The following PCDHA1 variants were observed in gnomAD, a reference collection of about 807,000 sequenced individuals.
The protein encoded by PCDHA1 is protocadherin alpha 1, also known as protocadherin alpha-1.
Under a neutral mutation model 61.3 loss-of-function variants are expected in PCDHA1, and 42 were observed. The ratio of observed to expected loss-of-function variants is 0.69; its 90% CI spans 0.54 to 0.89. PCDHA1 has a LOEUF of 0.89. Among genes scored for constraint, PCDHA1 ranks in the 40% least tolerant of loss-of-function variants. PCDHA1 has a pLI of 0.00. For missense variants in PCDHA1, 1,256 were observed against 1,235.3 expected (o/e 1.02, Z -0.25); for synonymous variants, 610 against 553.8 (o/e 1.10, Z -1.43).
chr5:140,883,686 A>G (rs1380292802), intron 1 of PCDHA1: 1 of 1,613,664 alleles, frequency 6.2e-7, no homozygotes, highest in East Asian at 2.2e-5. Flanking sequence ...CCGGGCTGCC[A>G]CATCTTCACG....
intron 1 of PCDHA1, chr5:140,823,675 C>T: frequency 1.9e-6 from 3 of 1,614,056 alleles, no homozygotes; most frequent in Non-Finnish European, 1.7e-6. Context: ...CAGCACAACA[C>T]GCTCTCTGGA....
chr5:140,877,224 G>T, intron 1 of PCDHA1: 1 of 1,613,712 alleles, frequency 6.2e-7, no homozygotes, highest in Non-Finnish European at 8.5e-7. Flanking sequence ...TACCGCGGTC[G>T]GTGGGTGCGG....
At chr5:140,984,576 C>G (rs1309554018) in intron 3 of PCDHA1, among the ~76,000 whole-genome samples, 1 of 152,104 alleles carries the variant, frequency 6.6e-6, no homozygotes, top group African/African-American at 2.4e-5. Context: ...CCATGGCAAC[C>G]TAATCATACT....
chr5:140,957,883 A>C (rs1413437105), intron 1 of PCDHA1, among the ~76,000 whole-genome samples: 1 of 152,098 alleles, frequency 6.6e-6, no homozygotes. Flanking sequence ...TGAAAAGCTG[A>C]AGTTGGCATC....
At chr5:140,979,908 TAA>T (rs782196172) in intron 2 of PCDHA1, among the ~76,000 whole-genome samples, 3 of 152,250 alleles carry the variant, frequency 2.0e-5, no homozygotes, top group Non-Finnish European at 4.4e-5. Context: ...GATCAGTTCG[TAA>T]AGAGAAAGCC....
intron 1 of PCDHA1, chr5:140,814,980 A>G (rs2126660632): frequency 6.6e-6 from 1 of 152,188 alleles, no homozygotes; most frequent in Non-Finnish European, 1.5e-5. Context: ...CTTAAAGACT[A>G]TTTTGTGTGA....
At chr5:140,850,698 GGC>G in intron 1 of PCDHA1, 1 of 1,598,220 alleles carries the variant, frequency 6.3e-7, no homozygotes, top group Non-Finnish European at 8.6e-7. Context: ...GTGCGCGCCT[GGC>G]AAGCCGACGC....
At chr5:140,972,471 G>A (rs1437633114) in intron 1 of PCDHA1, among the ~76,000 whole-genome samples, 6 of 151,998 alleles carry the variant, frequency 3.9e-5, no homozygotes, top group Non-Finnish European at 8.8e-5. Context: ...TTAAACATCA[G>A]CATTTAACCC....
Position 140,881,024 on chromosome 5 carries a change from A to G in PCDHA1, c.2394+92340A>G, listed in dbSNP as rs1330072249. Among the ~76,000 whole-genome samples the G allele has an allele frequency of 1.1e-4, 17 of 152,246 alleles. 1 individual carries two copies. Among genetic ancestry groups the G allele is most frequent in the Admixed American group, 5.2e-4 (8 of 15,290 alleles). ...GAGCAGAGCTATGGAAATAAACCCA[A>G]CAGTCATTTCCTATAGAGTTGTGCA... On this transcript the variant is annotated intron_variant, in intron 1 of 3. Coordinates refer to ENST00000504120, the MANE Select transcript of PCDHA1 (RefSeq NM_018900.4).
chr5:140,834,585 T>A, intron 1 of PCDHA1: 1 of 1,614,126 alleles, frequency 6.2e-7, no homozygotes, highest in Non-Finnish European at 8.5e-7. Flanking sequence ...CCGGGCGGTG[T>A]GCAAATTCCG....
At chr5:140,999,215 C>T (rs1290752092) in intron 3 of PCDHA1, among the ~76,000 whole-genome samples, 1 of 152,140 alleles carries the variant, frequency 6.6e-6, no homozygotes, top group South Asian at 2.1e-4. Context: ...TCTGGAAGTA[C>T]TACATTTGAG....
rs2150410181 is a variant in PCDHA1 at position 140,848,414 on chromosome 5, C to A, written c.2394+59730C>A. On this transcript the variant is annotated intron_variant, in intron 1 of 3. Transcript: ENST00000504120. ...CTGTGCTGAACGATGGCGAACACAGCAGAATGGGACTGACGAAATCAGATG... is the reference window on the plus strand; with the variant it reads ...CTGTGCTGAACGATGGCGAACACAGAAGAATGGGACTGACGAAATCAGATG... The A allele has an allele frequency of 1.2e-3, 1,716 of 1,381,822 alleles. 109 individuals carry two copies. The African/African-American group carries it at 0.021, about 17-fold the overall frequency. The allele number at this position is 1,381,822 out of a possible 1,614,324, so 85.6% of individuals were successfully genotyped here. A position where few individuals can be genotyped will look rare whatever the true frequency, so the allele number is the denominator to read the frequency against.
rs544074425 is a variant in PCDHA1, at chr5:140,965,070, C to A, written c.2395-13879C>A. Among the ~76,000 whole-genome samples the A allele has an allele frequency of 1.2e-4, 19 of 152,306 alleles. 1 individual carries two copies. In the South Asian group the frequency reaches 3.9e-3, roughly 32 times the overall value. On this transcript the variant is annotated intron_variant, in intron 1 of 3. Coordinates refer to ENST00000504120, the MANE Select transcript of PCDHA1 (RefSeq NM_018900.4). ...GGGAAGCATGCCAAATGTCAGGTCT[C>A]ACTCTGACTTTGTTCCAGTCCATAG... is the stretch of plus-strand genomic sequence containing the variant.
In PCDHA1 at chr5:140,842,782, C is replaced by T. The variant is rs1349278415; in HGVS notation, c.2394+54098C>T. 6 of 1,594,538 alleles carry T rather than the reference C, an allele frequency of 3.8e-6. 1 individual carries two copies. The highest frequency in any genetic ancestry group is 5.1e-6 in the Non-Finnish European group (6 of 1,165,434). ...CGCGAGACGCGGACGCGCAGGAGAA[C>T]GCGCTGGTGTCCTACTCGCTTGTGG... On this transcript the variant is annotated intron_variant, in intron 1 of 3. Transcript: ENST00000504120.
At chr5:140,964,044 A>G (rs155810) in intron 1 of PCDHA1, among the ~76,000 whole-genome samples, 592 of 152,346 alleles carry the variant, frequency 3.9e-3, no homozygotes, top group Middle Eastern at 0.024. Context: ...AAAGGAATGC[A>G]TAATGGTGTG....
intron 1 of PCDHA1, chr5:140,877,093 G>T (rs2056846978): frequency 6.2e-7 from 1 of 1,613,178 alleles, no homozygotes; most frequent in African/African-American, 1.3e-5. Context: ...GCGCGACGCC[G>T]GCGTGCCGCC....
intron 1 of PCDHA1, chr5:140,882,622 T>C (rs782369081): frequency 1.1e-4 from 185 of 1,614,060 alleles, no homozygotes; most frequent in Non-Finnish European, 1.5e-4. Context: ...AGGTTTTCCA[T>C]GTGGAGGTGA....
intron 1 of PCDHA1, chr5:140,829,791 C>A (rs2150174783): frequency 1.6e-5 from 26 of 1,613,668 alleles, no homozygotes; most frequent in South Asian, 2.2e-5. Context: ...GCGCTGCTGG[C>A]GCCTCGGGTG....
intron 1 of PCDHA1, chr5:140,822,148 A>G (rs2150114067): frequency 2.5e-6 from 4 of 1,614,274 alleles, no homozygotes; most frequent in East Asian, 2.2e-5. Context: ...AGTGAAGGAC[A>G]TCAATGACAA....
Sources: gnomAD v4.1 joint callset for allele counts (sites outside exome capture counted in the v4.1 genomes callset) on GRCh38, gnomAD v4.1.1 for gene constraint, MANE v1.5 for transcripts, NCBI Gene and HGNC (gene_info 2026-07-23, HGNC 2026-07-21) for gene names.